The following EHD4 variants were observed in gnomAD, a reference collection of about 807,000 sequenced individuals.
EHD4 encodes the protein EH domain-containing protein 4.
EHD4 carries 37 observed loss-of-function variants against 51.0 expected under a neutral mutation model. That is an observed-to-expected ratio of 0.73 (90% CI 0.56 to 0.95). The LOEUF is 0.95. EHD4 is among the 40% of genes least tolerant of loss of function. The pLI is 0.00. For missense variants in EHD4, 632 were observed against 733.1 expected (o/e 0.86, Z 1.59); for synonymous variants, 297 against 317.3 (o/e 0.94, Z 0.68).
intron 4 of EHD4, among the ~76,000 whole-genome samples, chr15:41,914,431 G>T (rs1595532094): frequency 1.3e-5 from 2 of 152,150 alleles, no homozygotes; most frequent in East Asian, 3.9e-4. Flanking sequence ...TAACAAGAGT[G>T]TGAGACTGTG....
rs945911091 is a variant in EHD4 at position 41,899,107 on chromosome 15, G to A, written c.*1538C>T. ...TGCCTTTTGGAAGACTCAGTGGGAC[G>A]GTTCTGATTTCATTCACTTCTGGTG... is the stretch of plus-strand genomic sequence containing the variant. On this transcript the variant is annotated 3_prime_UTR_variant, in exon 6 of 6. Coordinates refer to ENST00000220325, the MANE Select transcript of EHD4 (RefSeq NM_139265.4). 9 of 152,150 alleles carry A rather than the reference G, an allele frequency of 5.9e-5. No individual in the cohort carries two copies. The highest frequency in any genetic ancestry group is 1.0e-4 in the Non-Finnish European group (7 of 68,038). The allele number at this position is 152,150 out of a possible 1,614,324, so 9.4% of individuals were successfully genotyped here.
intron 1 of EHD4, among the ~76,000 whole-genome samples, chr15:41,963,599 CAAAAA>C (rs763703781): frequency 1.6e-5 from 1 of 62,192 alleles, no homozygotes; most frequent in African/African-American, 6.3e-5. Flanking sequence ...GAGTCTGTTT[CAAAAA>C]AAAAAAAAAA....
At chr15:41,922,655 T>C (rs1042914562) in intron 3 of EHD4, among the ~76,000 whole-genome samples, 2 of 152,222 alleles carry the variant, frequency 1.3e-5, no homozygotes, top group Non-Finnish European at 2.9e-5. Context: ...AAACTTTAAC[T>C]TAAATTTGAG....
At chr15:41,948,090 C>T (rs963618921) in intron 2 of EHD4, among the ~76,000 whole-genome samples, 5 of 152,120 alleles carry the variant, frequency 3.3e-5, no homozygotes, top group Admixed American at 2.6e-4. Flanking sequence ...CCTGTCTGTA[C>T]TAAAAATACA....
intron 1 of EHD4, among the ~76,000 whole-genome samples, chr15:41,965,887 C>T (rs2067958533): frequency 6.6e-6 from 1 of 151,988 alleles, no homozygotes; most frequent in African/African-American, 2.4e-5. Flanking sequence ...GCCTGCAGCG[C>T]TTCCCTGCTC....
chr15:41,956,767 G>A (rs527846715), intron 1 of EHD4, among the ~76,000 whole-genome samples: 1 of 152,166 alleles, frequency 6.6e-6, no homozygotes, highest in Non-Finnish European at 1.5e-5. Context: ...ACTAGAATTA[G>A]GAAGAATTAC....
At chr15:41,903,453 T>TAC (rs146543286) in intron 5 of EHD4, among the ~76,000 whole-genome samples, 12,737 of 144,348 alleles carry the variant, frequency 0.088, 556 homozygotes, top group Non-Finnish European at 0.11. Context: ...TTAACATACA[T>TAC]ACACACACAC....
rs1467918278 is a variant in EHD4, at chr15:41,898,900, T to C, written c.*1745A>G. ...TATGCGTCTAATGAATTTAAGTGCT[T>C]GTTAAGACTAAAAACCATGTTATGC... On this transcript the variant is annotated 3_prime_UTR_variant, in exon 6 of 6. Coordinates refer to ENST00000220325, the MANE Select transcript of EHD4 (RefSeq NM_139265.4). 6.6e-6 allele frequency: 1 copy of C among 152,200 alleles called. No homozygotes were observed. Among genetic ancestry groups the C allele is most frequent in the Non-Finnish European group, 1.5e-5 (1 of 68,038 alleles). The allele number at this position is 152,200 out of a possible 1,614,324, so 9.4% of individuals were successfully genotyped here.
chr15:41,913,404 G>A (rs2067562557), intron 4 of EHD4, among the ~76,000 whole-genome samples: 1 of 152,192 alleles, frequency 6.6e-6, no homozygotes, highest in African/African-American at 2.4e-5. Flanking sequence ...GGAAGAGGAG[G>A]AGTACGAAAG....
chr15:41,970,613 T>C (rs1297642698), intron 1 of EHD4, among the ~76,000 whole-genome samples: 1 of 152,178 alleles, frequency 6.6e-6, no homozygotes, highest in Non-Finnish European at 1.5e-5. Flanking sequence ...AGCTATCCAG[T>C]CTATGGGAGC....
At chr15:41,904,363 C>A (rs1409767466) in intron 5 of EHD4, among the ~76,000 whole-genome samples, 2 of 152,104 alleles carry the variant, frequency 1.3e-5, no homozygotes, top group Non-Finnish European at 1.5e-5. Flanking sequence ...CCTGTGGTCC[C>A]CCCCAGGCTT....
chr15:41,949,435 T>C (rs1027195827), intron 2 of EHD4, among the ~76,000 whole-genome samples: 2 of 152,084 alleles, frequency 1.3e-5, no homozygotes, highest in African/African-American at 2.4e-5. Flanking sequence ...CCTCGCTTAA[T>C]TACAAATACA....
chr15:41,900,726 G>T lies in EHD4; in HGVS notation c.1545C>A (p.Leu515=). 1 of 1,612,242 alleles carries T rather than the reference G, an allele frequency of 6.2e-7. No individual in the cohort carries two copies. Among genetic ancestry groups the T allele is most frequent in the Non-Finnish European group, 8.5e-7 (1 of 1,179,972 alleles). Residue 515 remains leucine (L), a synonymous_variant, in exon 6 of 6, where the codon CTC becomes CTA. Transcript: ENST00000220325. The surrounding 1 kb of genome is among the most constrained non-coding windows in gnomAD (Gnocchi z 4.8). ...GGCTGCTGGGCAGCTCGTAGCCGTC[G>T]AGCTTGATCTTGATGAGGTGCTTGG... ...ALAKHLIKIK[L]DGYELPSSLP... is the part of the protein sequence containing the mutation.
chr15:41,942,232 G>C (rs1034962938), intron 3 of EHD4: 1 of 142,638 alleles, frequency 7.0e-6, no homozygotes, highest in Non-Finnish European at 1.5e-5. Context: ...GAGATAGCAG[G>C]CCCACCGGTT....
chr15:41,959,119 G>A (rs1312185117), intron 1 of EHD4, among the ~76,000 whole-genome samples: 4 of 152,134 alleles, frequency 2.6e-5, no homozygotes, highest in South Asian at 2.1e-4. Context: ...TGGGCTGGGC[G>A]TGGTGGCTCA....
At chr15:41,932,739 T>A (rs1006788359) in intron 3 of EHD4, among the ~76,000 whole-genome samples, 1 of 152,116 alleles carries the variant, frequency 6.6e-6, no homozygotes, top group African/African-American at 2.4e-5. Flanking sequence ...TTGTCTGCAC[T>A]CTCGTGGCTT....
intron 4 of EHD4, among the ~76,000 whole-genome samples, chr15:41,914,960 ATTTTTTGTAATTTTTTTGTAATT>A (rs913427362): frequency 2.0e-5 from 3 of 151,632 alleles, no homozygotes; most frequent in Non-Finnish European, 2.9e-5. Flanking sequence ...TAATTTTTGT[ATTTTTTGTAATTTTTTTGTAATT>A]TTTTTTGTAA....
At chr15:41,933,349 A>G (rs1595537985) in intron 3 of EHD4, among the ~76,000 whole-genome samples, 1 of 152,216 alleles carries the variant, frequency 6.6e-6, no homozygotes, top group Non-Finnish European at 1.5e-5. Context: ...AGCTTCATAG[A>G]TAACAGGAAC....
At chr15:41,948,564 TA>T (rs940016618) in intron 2 of EHD4, among the ~76,000 whole-genome samples, 38 of 151,906 alleles carry the variant, frequency 2.5e-4, no homozygotes, top group African/African-American at 8.4e-4. Context: ...TCCCTCAGAT[TA>T]AAAAAAAATT....
Sources: allele counts gnomAD v4.1 joint callset (sites outside exome capture counted in the v4.1 genomes callset), GRCh38; gene constraint gnomAD v4.1.1; non-coding constraint Gnocchi (gnomAD v3.1); transcripts MANE v1.5; gene names NCBI Gene and HGNC (gene_info 2026-07-23, HGNC 2026-07-21).